The following PPP6R3 variants were observed in gnomAD, a reference collection of about 807,000 sequenced individuals.
The protein encoded by PPP6R3 is serine/threonine-protein phosphatase 6 regulatory subunit 3.
PPP6R3 carries 38 observed loss-of-function variants against 110.7 expected under a neutral mutation model. The ratio of observed to expected loss-of-function variants is 0.34; its 90% CI spans 0.26 to 0.45. The LOEUF is 0.45. Among genes scored for constraint, PPP6R3 ranks in the 20% least tolerant of loss-of-function variants. The probability of loss-of-function intolerance (pLI) is 1.00; values close to 1 mark genes in which losing one functional copy is unlikely to be tolerated. For missense variants in PPP6R3, 870 were observed against 1,062.4 expected (o/e 0.82, Z 2.52); for synonymous variants, 369 against 373.5 (o/e 0.99, Z 0.14).
rs147769968 is a variant in PPP6R3, at chr11:68,473,068, T to TA, written c.-158+12245dup. Among the ~76,000 whole-genome samples, 357 of 152,336 alleles carry TA rather than the reference T, an allele frequency of 2.3e-3. 2 individuals are homozygous for TA. Among genetic ancestry groups the TA allele is most frequent in the African/African-American group, 8.2e-3 (339 of 41,572 alleles). On this transcript the variant is annotated intron_variant, in intron 1 of 23. Coordinates refer to ENST00000393800, the MANE Select transcript of PPP6R3 (RefSeq NM_001164161.2). ...GCATAGTTTCCGGGCATACAGCTCC[T>TA]AAAATCTTTGGACTTTCCAAAATGA...
At chr11:68,500,076 T>G (rs570324254) in intron 1 of PPP6R3, among the ~76,000 whole-genome samples, 8 of 152,346 alleles carry the variant, frequency 5.3e-5, no homozygotes, top group Admixed American at 2.0e-4. Flanking sequence ...AATTATTGCT[T>G]CTTCTATAAA....
In PPP6R3 at chr11:68,613,051, T is replaced by C; in HGVS notation, c.2571-15T>C. The C allele has an allele frequency of 1.2e-6, 2 of 1,614,196 alleles. No individual in the cohort carries two copies. The highest frequency in any genetic ancestry group is 1.1e-5 in the South Asian group (1 of 91,082). On this transcript the variant is annotated splice_polypyrimidine_tract_variant and intron_variant, in intron 23 of 23. Coordinates refer to ENST00000393800, the MANE Select transcript of PPP6R3 (RefSeq NM_001164161.2). ...CTGCTGCAAGTGCCTCCGATGCCTG[T>C]CTGTTGCTCCTTAGGACTGGCCAAC...
intron 11 of PPP6R3, 100 bp from the exon 12 acceptor site, chr11:68,570,940 A>T: frequency 7.1e-7 from 1 of 1,403,554 alleles, no homozygotes; most frequent in Non-Finnish European, 9.5e-7. Context: ...AGCTTGCTAG[A>T]TTATGCATAC....
At chr11:68,610,671 C>A (rs1241417462) in intron 23 of PPP6R3, among the ~76,000 whole-genome samples, 1 of 152,218 alleles carries the variant, frequency 6.6e-6, no homozygotes, top group East Asian at 1.9e-4. Context: ...ATGCCAGGCC[C>A]TTAGCAAGAC....
intron 2 of PPP6R3, among the ~76,000 whole-genome samples, chr11:68,531,310 TA>T (rs2099238382): frequency 7.4e-6 from 1 of 134,968 alleles, no homozygotes; most frequent in African/African-American, 3.0e-5. Flanking sequence ...GACTGTGTTT[TA>T]TTTATTTATT....
At chr11:68,579,904 A>G (rs1223018465) in intron 14 of PPP6R3, among the ~76,000 whole-genome samples, 1 of 152,358 alleles carries the variant, frequency 6.6e-6, no homozygotes. Flanking sequence ...AGGCTCTACC[A>G]TGTGAACTCT....
In PPP6R3 at chr11:68,615,121, T is replaced by C. The variant is rs1343378989; in HGVS notation, c.*2004T>C. 1 of 459,426 alleles carries C rather than the reference T, an allele frequency of 2.2e-6. No homozygotes were observed. The highest frequency in any genetic ancestry group is 4.4e-6 in the Non-Finnish European group (1 of 229,238). 28.5% of individuals were successfully genotyped at this position (459,426 alleles called of 1,614,324 possible). A position where few individuals can be genotyped will look rare whatever the true frequency, so the allele number is the denominator to read the frequency against. On this transcript the variant is annotated 3_prime_UTR_variant, in exon 24 of 24. Transcript: ENST00000393800. ...TTTGGGGCATCATTTTGTTTTGTCT[T>C]TCGTAGCAGGGAAAGGATATGACAA...
chr11:68,605,585 G>T (rs1353364135), intron 22 of PPP6R3, among the ~76,000 whole-genome samples: 1 of 152,086 alleles, frequency 6.6e-6, no homozygotes, highest in African/African-American at 2.4e-5. Flanking sequence ...TGGGTGTAAG[G>T]CATTTTTTTA....
intron 19 of PPP6R3, among the ~76,000 whole-genome samples, chr11:68,600,103 C>T (rs2099626984): frequency 6.6e-6 from 1 of 151,926 alleles, no homozygotes; most frequent in South Asian, 2.1e-4. Context: ...GCCTGGGCGA[C>T]AGAGCGAGAC....
chr11:68,478,647 G>T (rs1442527456), intron 1 of PPP6R3, among the ~76,000 whole-genome samples: 74 of 50,514 alleles, frequency 1.5e-3, no homozygotes, highest in South Asian at 3.0e-3. Context: ...CACTTGGTAA[G>T]TTTTTTTTTT....
intron 1 of PPP6R3, among the ~76,000 whole-genome samples, chr11:68,486,038 C>T (rs1315231367): frequency 6.6e-6 from 1 of 150,962 alleles, no homozygotes; most frequent in African/African-American, 2.4e-5. Context: ...AAAAGCTACA[C>T]CTAATTTTTT....
intron 18 of PPP6R3, among the ~76,000 whole-genome samples, chr11:68,595,848 G>C (rs1023026552): frequency 6.6e-6 from 1 of 152,172 alleles, no homozygotes; most frequent in Non-Finnish European, 1.5e-5. Context: ...TCGAGAAGGT[G>C]GTTCTTAGAT....
intron 22 of PPP6R3, 161 bp downstream of exon 22, chr11:68,603,653 G>T (rs2099638554): frequency 2.2e-6 from 2 of 929,686 alleles, no homozygotes; most frequent in Non-Finnish European, 3.1e-6. Flanking sequence ...TCTTAATGAA[G>T]AGATGGAGAG....
chr11:68,588,017 A>G lies in PPP6R3; in HGVS notation c.1723A>G (p.Ile575Val), dbSNP rs966982985. The G allele has an allele frequency of 5.6e-6, 9 of 1,613,174 alleles. No homozygotes were observed. The Admixed American group carries it at 1.0e-4, about 18-fold the overall frequency. Residue 575 changes from isoleucine (I) to valine (V), a missense_variant, in exon 16 of 24, where the codon ATT becomes GTT. Physicochemically the swap from Ile to Val is conservative, Grantham distance 29. Transcript: ENST00000393800. ...NDEKFADQDD[I>V]GNVSFDRVSD... is the part of the protein sequence containing the mutation. ...TGAGAAGTTTGCAGATCAAGATGAC[A>G]TTGGCAAGTGAGTATGTTTTTCTGT...
chr11:68,576,618 T>C, intron 14 of PPP6R3, among the ~76,000 whole-genome samples: 1 of 133,560 alleles, frequency 7.5e-6, no homozygotes, highest in East Asian at 2.1e-4. Flanking sequence ...TTTTTGGTTT[T>C]TAAACACATT....
chr11:68,485,490 C>T (rs1392831202), intron 1 of PPP6R3, among the ~76,000 whole-genome samples: 1 of 152,022 alleles, frequency 6.6e-6, no homozygotes, highest in East Asian at 1.9e-4. Context: ...TAATTTCTGA[C>T]CATCAATTAT....
chr11:68,480,907 A>T (rs1230024393), intron 1 of PPP6R3, among the ~76,000 whole-genome samples: 1 of 152,146 alleles, frequency 6.6e-6, no homozygotes, highest in East Asian at 1.9e-4. Context: ...TAGGTAGCTC[A>T]TTTTTTATAT....
chr11:68,519,164 A>G (rs1018275440), intron 1 of PPP6R3, among the ~76,000 whole-genome samples: 4 of 152,216 alleles, frequency 2.6e-5, no homozygotes, highest in Non-Finnish European at 5.9e-5. Flanking sequence ...GTGCCTTTAT[A>G]GTGGACCCTA....
intron 8 of PPP6R3, 92 bp downstream of exon 8, chr11:68,558,771 A>C (rs1395538630): frequency 2.2e-6 from 2 of 901,706 alleles, no homozygotes; most frequent in African/African-American, 1.7e-5. Context: ...GTAATAGCGT[A>C]CCTTTGAATT....
Sources: allele counts gnomAD v4.1 joint callset (sites outside exome capture counted in the v4.1 genomes callset), GRCh38; gene constraint gnomAD v4.1.1; transcripts MANE v1.5; gene names NCBI Gene and HGNC (gene_info 2026-07-23, HGNC 2026-07-21).